Variants in ERG observed in about 807,000 individuals in gnomAD.
ERG encodes the protein ETS transcription factor ERG, also known as transcriptional regulator ERG.
A neutral mutation model predicts 55.3 loss-of-function variants in ERG; 9 were observed. That is an observed-to-expected ratio of 0.16 (90% confidence interval 0.10 to 0.28). ERG has a LOEUF of 0.28. ERG is among the 10% of genes least tolerant of loss of function. The pLI, the probability that ERG is intolerant of heterozygous loss-of-function variation, is 1.00. For missense variants in ERG, 434 were observed against 631.6 expected, an observed-to-expected ratio of 0.69 and a Z score of 3.35; for synonymous variants, 223 against 237.3, an observed-to-expected ratio of 0.94 and a Z score of 0.55.
chr21:38,585,763 T>C (rs572669398), upstream of ERG, among the ~76,000 whole-genome samples: 2 of 152,078 alleles, frequency 1.3e-5, no homozygotes, highest in African/African-American at 4.8e-5. Context: ...CACAGGCCAG[T>C]TGACATTCCC....
chr21:38,526,167 C>T (rs552394294), intron 2 of ERG, among the ~76,000 whole-genome samples: 1 of 151,998 alleles, frequency 6.6e-6, no homozygotes, highest in Non-Finnish European at 1.5e-5. Flanking sequence ...CTGTCCTTCT[C>T]GGGTATGGCT....
intron 1 of ERG, among the ~76,000 whole-genome samples, chr21:38,634,218 C>T (rs2146961139): frequency 1.3e-5 from 2 of 152,256 alleles, no homozygotes; most frequent in East Asian, 3.9e-4. Flanking sequence ...AATTATTCAG[C>T]CACTATTCAC....
chr21:38,401,223 C>A (rs1225887843), intron 5 of ERG, among the ~76,000 whole-genome samples: 1 of 152,066 alleles, frequency 6.6e-6, no homozygotes, highest in Non-Finnish European at 1.5e-5. Flanking sequence ...TGGTTTCTTC[C>A]GTGTTTAACA....
intron 2 of ERG, among the ~76,000 whole-genome samples, chr21:38,519,281 A>G (rs969645630): frequency 1.3e-5 from 2 of 152,222 alleles, no homozygotes; most frequent in Non-Finnish European, 2.9e-5. Context: ...ACAACGGTAA[A>G]GGTAGAATTT....
upstream of ERG, among the ~76,000 whole-genome samples, chr21:38,586,300 G>T (rs1437855851): frequency 2.7e-5 from 4 of 146,674 alleles, no homozygotes; most frequent in Non-Finnish European, 4.5e-5. Flanking sequence ...ATTTTTTTGT[G>T]GTGCGAACAC....
Sources: allele counts gnomAD v4.1 joint callset (sites outside exome capture counted in the v4.1 genomes callset), GRCh38; gene constraint gnomAD v4.1.1; transcripts MANE v1.5; gene names NCBI Gene and HGNC (gene_info 2026-07-23, HGNC 2026-07-21).